The following CRISPLD2 variants were observed in gnomAD, a reference collection of about 807,000 sequenced individuals.
CRISPLD2 encodes cysteine rich secretory protein LCCL domain containing 2.
In CRISPLD2, 47 loss-of-function variants were observed where a neutral mutation model predicts 71.1. That is an observed-to-expected ratio of 0.66 (90% confidence interval 0.52 to 0.84). The LOEUF is 0.84. CRISPLD2 is among the 40% of genes least tolerant of loss of function. CRISPLD2 has a pLI of 0.00. For synonymous variants in CRISPLD2, 317 were observed against 250.1 expected, an observed-to-expected ratio of 1.27 and a Z score of -2.52; for missense variants, 830 against 651.1, an observed-to-expected ratio of 1.27 and a Z score of -2.99.
rs1218197826 is a variant in CRISPLD2 at position 84,859,428 on chromosome 16, C to T, written c.709+4599C>T. Reference sequence around the variant, plus strand: ...TGATCATTTCCCTTTCCCCAGTGCACGGTTTCCCTGGTACAAGGCCAGAGG... The same window carrying T: ...TGATCATTTCCCTTTCCCCAGTGCATGGTTTCCCTGGTACAAGGCCAGAGG... On this transcript the variant is annotated intron_variant, in intron 6 of 14. Coordinates refer to ENST00000262424, the MANE Select transcript of CRISPLD2 (RefSeq NM_031476.4). 3.3e-5 allele frequency among the ~76,000 whole-genome samples: 5 copies of T among 152,260 alleles called. No homozygotes were observed. The East Asian group carries it at 5.8e-4, about 18-fold the overall frequency.
chr16:84,883,545 A>G (rs2071586266), intron 13 of CRISPLD2, among the ~76,000 whole-genome samples: 1 of 152,150 alleles, frequency 6.6e-6, no homozygotes, highest in African/African-American at 2.4e-5. Flanking sequence ...TTGTGCACAT[A>G]TCAGAATCCA....
chr16:84,886,175 C>A (rs144470238), intron 13 of CRISPLD2, among the ~76,000 whole-genome samples: 2 of 152,116 alleles, frequency 1.3e-5, no homozygotes, highest in Non-Finnish European at 2.9e-5. Flanking sequence ...CAGGTGTAAG[C>A]CACCGCGCCG....
At chr16:84,883,559 C>T (rs1174945327) in intron 13 of CRISPLD2, among the ~76,000 whole-genome samples, 1 of 152,196 alleles carries the variant, frequency 6.6e-6, no homozygotes, top group African/African-American at 2.4e-5. Context: ...GAATCCACCC[C>T]CGCGCCTGCC....
At chr16:84,839,268 C>G (rs1916709100) in intron 2 of CRISPLD2, 5 of 297,082 alleles carry the variant, frequency 1.7e-5, no homozygotes, top group Admixed American at 1.5e-4. Context: ...TCATGTCACT[C>G]TTGGTAGCTC....
At chr16:84,867,950 G>A (rs370467997) in intron 7 of CRISPLD2, among the ~76,000 whole-genome samples, 7 of 152,192 alleles carry the variant, frequency 4.6e-5, no homozygotes, top group South Asian at 2.1e-4. Flanking sequence ...ATTTGCAGCC[G>A]CCGTTTCTGC....
chr16:84,837,898 A>C (rs938208344), intron 1 of CRISPLD2, among the ~76,000 whole-genome samples: 1 of 152,184 alleles, frequency 6.6e-6, no homozygotes, highest in African/African-American at 2.4e-5. Context: ...TTAGTGTGCA[A>C]CAGATGTGCG....
chr16:84,850,012 T>A (rs906352439), intron 4 of CRISPLD2, among the ~76,000 whole-genome samples: 1 of 151,794 alleles, frequency 6.6e-6, no homozygotes, highest in African/African-American at 2.4e-5. Context: ...AGTTGTGAGC[T>A]ACTGCACTCA....
At chr16:84,897,717 A>G (rs1217929929) in intron 14 of CRISPLD2, among the ~76,000 whole-genome samples, 2 of 151,974 alleles carry the variant, frequency 1.3e-5, no homozygotes, top group Admixed American at 1.3e-4. Context: ...CGCAGGTTCA[A>G]GTGATTCTCA....
At position 84,867,837 on chromosome 16, in the gene CRISPLD2, C is replaced by G. The variant is rs150537638; in HGVS notation, c.853+797C>G. On this transcript the variant is annotated intron_variant, in intron 7 of 14. Transcript: ENST00000262424. ...TGCTCACCTTTGGCCTTTTGGCTCC[C>G]TGGGCACCTCAGCTCCCCAAGCTTT... 6.8e-3 allele frequency among the ~76,000 whole-genome samples: 1,032 copies of G among 152,346 alleles called. 6 individuals are homozygous for G. The highest frequency in any genetic ancestry group is 0.012 in the Non-Finnish European group (843 of 68,022).
At chr16:84,895,277 C>T (rs908173659) in intron 14 of CRISPLD2, among the ~76,000 whole-genome samples, 3 of 152,216 alleles carry the variant, frequency 2.0e-5, no homozygotes, top group African/African-American at 4.8e-5. Context: ...TACCAGAATC[C>T]ATGCTTTTAA....
chr16:84,901,797 T>C (rs1282899899), intron 14 of CRISPLD2, among the ~76,000 whole-genome samples: 2 of 137,278 alleles, frequency 1.5e-5, no homozygotes, highest in Non-Finnish European at 3.1e-5. Flanking sequence ...CTTTTTTTTT[T>C]TTTTTTTTTT....
chr16:84,862,359 T>C (rs1917407608), intron 6 of CRISPLD2, among the ~76,000 whole-genome samples: 1 of 151,956 alleles, frequency 6.6e-6, no homozygotes, highest in Non-Finnish European at 1.5e-5. Flanking sequence ...CATGCCACCA[T>C]GGTTAATTTT....
chr16:84,880,719 A>G lies in CRISPLD2; in HGVS notation c.1305+135A>G, dbSNP rs538090936. The G allele has an allele frequency of 2.4e-4, 144 of 592,912 alleles. 2 individuals are homozygous for G. The Middle Eastern group carries it at 4.9e-3, about 20-fold the overall frequency. The allele number at this position is 592,912 out of a possible 1,614,324, so 36.7% of individuals were successfully genotyped here. A position where few individuals can be genotyped will look rare whatever the true frequency, so the allele number is the denominator to read the frequency against. On this transcript the variant is annotated intron_variant, in intron 13 of 14. Coordinates refer to ENST00000262424, the MANE Select transcript of CRISPLD2 (RefSeq NM_031476.4). ...AATTAATTAATTAATTAATTAATTA[A>G]TTTCGAGATGGAGTCTTACTCTGTT... is the stretch of plus-strand genomic sequence containing the variant.
intron 6 of CRISPLD2, among the ~76,000 whole-genome samples, chr16:84,859,755 G>A (rs930545394): frequency 7.9e-5 from 12 of 152,172 alleles, no homozygotes; most frequent in Non-Finnish European, 1.8e-4. Context: ...GACTCTACAC[G>A]AGCCAGACTA....
intron 14 of CRISPLD2, among the ~76,000 whole-genome samples, chr16:84,898,736 A>G (rs1281461352): frequency 6.6e-6 from 1 of 152,234 alleles, no homozygotes; most frequent in African/African-American, 2.4e-5. Context: ...GCTGCCCAGC[A>G]CTTGGCACAT....
chr16:84,821,656 G>C (rs1380074250), intron 1 of CRISPLD2, among the ~76,000 whole-genome samples: 1 of 152,186 alleles, frequency 6.6e-6, no homozygotes, highest in African/African-American at 2.4e-5. Context: ...GTGATGTTTT[G>C]TCTTACAGGG....
chr16:84,852,327 G>C (rs1159242682), intron 5 of CRISPLD2, among the ~76,000 whole-genome samples: 2 of 127,118 alleles, frequency 1.6e-5, no homozygotes, highest in Non-Finnish European at 3.5e-5. Context: ...GAGATGGACA[G>C]TGTCTCCCAT....
intron 13 of CRISPLD2, among the ~76,000 whole-genome samples, chr16:84,882,371 A>AAAAAAAGAAAT (rs368239840): frequency 1.9e-3 from 212 of 114,000 alleles, no homozygotes; most frequent in Middle Eastern, 5.0e-3. Context: ...AAAAAAAAAA[A>AAAAAAAGAAAT]GCAAGAACTT....
chr16:84,855,597 A>G (rs528961324), intron 6 of CRISPLD2, among the ~76,000 whole-genome samples: 1 of 152,288 alleles, frequency 6.6e-6, no homozygotes, highest in East Asian at 1.9e-4. Flanking sequence ...ACTGACTCAA[A>G]TGTTAATCTC....
Sources: allele counts gnomAD v4.1 joint callset (sites outside exome capture counted in the v4.1 genomes callset), GRCh38; gene constraint gnomAD v4.1.1; transcripts MANE v1.5; gene names NCBI Gene and HGNC (gene_info 2026-07-23, HGNC 2026-07-21).